The following GTF2IRD1 variants were observed in gnomAD, a reference collection of about 807,000 sequenced individuals.
GTF2IRD1 encodes GTF2I repeat domain containing 1.
In GTF2IRD1, 26 loss-of-function variants were observed where a neutral mutation model predicts 113.2. The observed-to-expected ratio is 0.23, with a 90% CI of 0.17 to 0.32. The LOEUF (loss-of-function observed/expected upper bound fraction) is 0.32, where lower values mean the gene tolerates loss of function less well. Ranked by LOEUF, GTF2IRD1 falls within the 10% of genes least tolerant of loss-of-function variation. The pLI is 1.00. For missense variants in GTF2IRD1, 864 were observed against 1,280.8 expected, an observed-to-expected ratio of 0.67 and a Z score of 4.97; for synonymous variants, 484 against 529.1, an observed-to-expected ratio of 0.91 and a Z score of 1.17.
chr7:74,544,645 G>T (rs1554352638), intron 14 of GTF2IRD1, 110 bp from the exon 15 acceptor site: 8 of 1,045,890 alleles, frequency 7.6e-6, no homozygotes. Context: ...CCATGCTTCA[G>T]AGTTGGGGCC....
At chr7:74,588,220 G>A (rs1182804784) in intron 22 of GTF2IRD1, among the ~76,000 whole-genome samples, 10 of 148,464 alleles carry the variant, frequency 6.7e-5, no homozygotes, top group Admixed American at 2.1e-4. Context: ...CAGTTCTCCT[G>A]TCTCAATCTC....
chr7:74,540,863 C>T (rs1416221898), intron 14 of GTF2IRD1, among the ~76,000 whole-genome samples: 3 of 151,952 alleles, frequency 2.0e-5, no homozygotes, highest in Non-Finnish European at 4.4e-5. Flanking sequence ...CAACCTCCAC[C>T]TCCCGGCTTC....
At chr7:74,596,011 A>G (rs1357505435) in intron 25 of GTF2IRD1, 2 of 152,172 alleles carry the variant, frequency 1.3e-5, no homozygotes, top group African/African-American at 4.8e-5. Context: ...CCGGGTGACT[A>G]TGATGTGCAC....
At chr7:74,464,467 AAC>A (rs1562769385) in intron 1 of GTF2IRD1, among the ~76,000 whole-genome samples, 1 of 151,786 alleles carries the variant, frequency 6.6e-6, no homozygotes, top group Non-Finnish European at 1.5e-5. Context: ...TTGTTTTTGA[AAC>A]AGAGTCTCCT....
At chr7:74,513,775 G>C (rs965675435) in intron 3 of GTF2IRD1, among the ~76,000 whole-genome samples, 2 of 152,166 alleles carry the variant, frequency 1.3e-5, no homozygotes, top group Non-Finnish European at 2.9e-5. Context: ...ACTTCGGGAG[G>C]CTGAAATGGG....
chr7:74,561,815 G>T (rs1186046776), intron 22 of GTF2IRD1, among the ~76,000 whole-genome samples: 1 of 152,162 alleles, frequency 6.6e-6, no homozygotes, highest in Non-Finnish European at 1.5e-5. Flanking sequence ...GCAGAGTGCA[G>T]ACAGAGGAGG....
intron 12 of GTF2IRD1, among the ~76,000 whole-genome samples, chr7:74,538,419 C>T (rs587700850): frequency 5.5e-4 from 84 of 152,286 alleles, no homozygotes; most frequent in African/African-American, 1.9e-3. Context: ...GATGCCCAGA[C>T]CCAGGCTGCA....
At chr7:74,499,610 TAATG>T (rs1162801594) in intron 1 of GTF2IRD1, among the ~76,000 whole-genome samples, 3 of 146,216 alleles carry the variant, frequency 2.1e-5, no homozygotes, top group Admixed American at 6.8e-5. Context: ...ACAAAGGAAT[TAATG>T]AATGTACACA....
In GTF2IRD1 at chr7:74,515,583, T is replaced by C; in HGVS notation, c.408T>C (p.Phe136=). 6.2e-7 allele frequency: 1 copy of C among 1,611,732 alleles called. No individual in the cohort carries two copies. The highest frequency in any genetic ancestry group is 8.5e-7 in the Non-Finnish European group (1 of 1,178,308). ...YLLRKMVEEV[F]DVLYSEALGR... is the part of the protein sequence containing the mutation. ...TGCGGAAGATGGTAGAGGAGGTGTT[T>C]GATGTTCTTTATAGTAAGATCCTTC... The change falls in exon 4 of 27, where the codon TTT becomes TTC. Residue 136 remains phenylalanine (F), a synonymous_variant. Transcript: ENST00000424337.
At chr7:74,488,758 AAGAG>A (rs782720446) in intron 1 of GTF2IRD1, among the ~76,000 whole-genome samples, 12 of 149,824 alleles carry the variant, frequency 8.0e-5, no homozygotes, top group South Asian at 4.3e-4. Flanking sequence ...AGAAGAAAAA[AAGAG>A]AGAGAGAGAG....
chr7:74,519,771 C>A (rs782458210), intron 6 of GTF2IRD1, 52 bp downstream of exon 6: 2 of 1,322,644 alleles, frequency 1.5e-6, no homozygotes, highest in Admixed American at 2.2e-5. Context: ...AGAGGTCACT[C>A]ATGCAGGGGA....
chr7:74,464,120 G>A (rs1793565441), intron 1 of GTF2IRD1, among the ~76,000 whole-genome samples: 1 of 152,234 alleles, frequency 6.6e-6, no homozygotes, highest in Non-Finnish European at 1.5e-5. Flanking sequence ...TCAGCCCTGT[G>A]TGAACAGTGG....
chr7:74,508,357 G>A (rs1796418432), intron 2 of GTF2IRD1, among the ~76,000 whole-genome samples, 154 bp downstream of exon 2: 1 of 152,138 alleles, frequency 6.6e-6, no homozygotes, highest in Admixed American at 6.5e-5. Context: ...CTGCATCAAG[G>A]GTGTGAGATG....
intron 3 of GTF2IRD1, 200 bp from the exon 4 acceptor site, chr7:74,515,241 C>G (rs1194037291): frequency 3.6e-6 from 4 of 1,116,058 alleles, no homozygotes; most frequent in Non-Finnish European, 5.1e-6. Context: ...CCTGGGAACT[C>G]TGAGATGACC....
At chr7:74,465,271 C>G (rs921008186) in intron 1 of GTF2IRD1, among the ~76,000 whole-genome samples, 1 of 152,168 alleles carries the variant, frequency 6.6e-6, no homozygotes, top group Non-Finnish European at 1.5e-5. Flanking sequence ...TCCACCTCCC[C>G]ACCTGCCCCG....
intron 1 of GTF2IRD1, among the ~76,000 whole-genome samples, chr7:74,467,381 T>A (rs1793789839): frequency 6.6e-6 from 1 of 152,200 alleles, no homozygotes; most frequent in Non-Finnish European, 1.5e-5. Flanking sequence ...AGCTTGTCTC[T>A]CTGAGCCGAG....
intron 20 of GTF2IRD1, among the ~76,000 whole-genome samples, chr7:74,558,358 T>TTTTTTTTTTTTTTTTTTTTTTTTTTTG: frequency 8.9e-6 from 1 of 112,932 alleles, no homozygotes; most frequent in Non-Finnish European, 1.9e-5. Flanking sequence ...TTTTTTTTTT[T>TTTTTTTTTTTTTTTTTTTTTTTTTTTG]TTTTTTTTTT....
intron 22 of GTF2IRD1, among the ~76,000 whole-genome samples, chr7:74,573,779 C>T (rs1404509151): frequency 6.6e-6 from 1 of 152,088 alleles, no homozygotes; most frequent in Non-Finnish European, 1.5e-5. Flanking sequence ...GGTTGGGGGC[C>T]ATGCAGGCCT....
At chr7:74,552,249 G>T (rs1554355237) in intron 17 of GTF2IRD1, among the ~76,000 whole-genome samples, 6 of 151,480 alleles carry the variant, frequency 4.0e-5, no homozygotes, top group Non-Finnish European at 7.4e-5. Flanking sequence ...CAGGAGAGGT[G>T]GCTCACGCCT....
Sources: gnomAD v4.1 joint callset for allele counts (sites outside exome capture counted in the v4.1 genomes callset) on GRCh38, gnomAD v4.1.1 for gene constraint, MANE v1.5 for transcripts, NCBI Gene and HGNC (gene_info 2026-07-23, HGNC 2026-07-21) for gene names.